Variants in GZMH observed in about 807,000 individuals in gnomAD.
GZMH encodes the protein cathepsin G-like 2, protein h-CCPX.
In GZMH, 24 loss-of-function variants were observed where a neutral mutation model predicts 20.7. That is an observed-to-expected ratio of 1.16 (90% CI 0.84 to 1.63). GZMH has a LOEUF of 1.63. Ranked by LOEUF, GZMH falls within the 40% of genes most tolerant of loss-of-function variation. The pLI is 0.00. For synonymous variants in GZMH, 119 were observed against 116.1 expected, an observed-to-expected ratio of 1.02 and a Z score of -0.16; for missense variants, 344 against 302.7, an observed-to-expected ratio of 1.14 and a Z score of -1.01.
chr14:24,608,064 C>G (rs2066884571), intron 2 of GZMH, among the ~76,000 whole-genome samples: 1 of 152,078 alleles, frequency 6.6e-6, no homozygotes, highest in Non-Finnish European at 1.5e-5. Context: ...TTGCTCTGAC[C>G]TCTGACCCTC....
rs66505306 is a variant in GZMH, at chr14:24,609,404, G to A, written c.55+155C>T. Among the ~76,000 whole-genome samples, 374 of 152,198 alleles carry A rather than the reference G, an allele frequency of 2.5e-3. 1 individual carries two copies. Among genetic ancestry groups the A allele is most frequent in the African/African-American group, 8.5e-3 (351 of 41,522 alleles). On this transcript the variant is annotated intron_variant, in intron 1 of 4. Coordinates refer to ENST00000216338, the MANE Select transcript of GZMH (RefSeq NM_033423.5). ...TTTTAGGGAACACCCTTCATTTTTC[G>A]ATCTTTGCTGAGTGTCTATCTAGCC...
chr14:24,607,851 G>A (rs1185732811), intron 2 of GZMH, 104 bp from the exon 3 acceptor site: 4 of 1,560,266 alleles, frequency 2.6e-6, no homozygotes, highest in East Asian at 2.3e-5. Context: ...CTGCAGCTGA[G>A]GGGAAGTTGA....
intron 4 of GZMH, 135 bp downstream of exon 4, chr14:24,607,014 G>T: frequency 1.1e-6 from 1 of 937,346 alleles, no homozygotes; most frequent in Non-Finnish European, 1.6e-6. Context: ...GTGGACTAAA[G>T]ACTAGATTCC....
chr14:24,608,537 T>C (rs1409894391), intron 1 of GZMH, 125 bp from the exon 2 acceptor site: 1 of 1,025,444 alleles, frequency 9.8e-7, no homozygotes, highest in East Asian at 2.4e-5. Flanking sequence ...GGGGTCCTCC[T>C]GAGCTCTGCA....
chr14:24,608,118 A>T, intron 2 of GZMH, 147 bp downstream of exon 2: 2 of 829,328 alleles, frequency 2.4e-6, no homozygotes, highest in Non-Finnish European at 3.9e-6. Context: ...TCATCATCTT[A>T]GTCCTATTCC....
chr14:24,608,755 C>T (rs2066891014), intron 1 of GZMH, among the ~76,000 whole-genome samples: 1 of 152,220 alleles, frequency 6.6e-6, no homozygotes, highest in African/African-American at 2.4e-5. Flanking sequence ...TCTCTGATTC[C>T]TCTGAGCCTC....
rs779993240 is a variant in GZMH, at chr14:24,608,408, C to A, written c.60G>T (p.Glu20Asp). Residue 20 changes from glutamate to aspartate, a missense_variant, in exon 2 of 5, where the codon GAG (glutamate) becomes GAT (aspartate). By Grantham distance (45) the Glu-to-Asp change is conservative. Transcript: ENST00000216338. The stretch of plus-strand genomic sequence containing the variant: ...GCTTGGCCTCATGGCCCCCGATGAT[C>A]TCCTCTGAAAGGAAAGACTGGAAGA... The part of the protein sequence containing the change: ...FLLTPGAGTE[E>D]IIGGHEAKPH... The A allele has an allele frequency of 1.2e-6, 2 of 1,613,936 alleles. No individual in the cohort carries two copies. Among genetic ancestry groups the A allele is most frequent in the East Asian group, 2.2e-5 (1 of 44,886 alleles).
Position 24,607,629 on chromosome 14 carries a change from C to T in GZMH, c.322G>A (p.Asp108Asn), listed in dbSNP as rs756399689. ...PAYNPKNFSN[D>N]IMLLQLERKA... ...TGCCTCACCTGCAGTAGCATGATGT[C>T]GTTGGAGAAGTTCTTAGGATTATAG... is the stretch of plus-strand genomic sequence containing the variant. The change falls in exon 3 of 5, where the codon GAC (aspartate) becomes AAC (asparagine). Residue 108 changes from aspartate (D) to asparagine (N), a missense_variant. Asp to Asn is a conservative substitution (Grantham distance 23). Transcript: ENST00000216338. The T allele has an allele frequency of 2.5e-5, 41 of 1,612,504 alleles. No individual in the cohort carries two copies. Among genetic ancestry groups the T allele is most frequent in the African/African-American group, 5.3e-5 (4 of 74,882 alleles).
At chr14:24,609,337 C>T (rs533249164) in intron 1 of GZMH, among the ~76,000 whole-genome samples, 18 of 152,304 alleles carry the variant, frequency 1.2e-4, no homozygotes, top group Admixed American at 2.0e-4. Context: ...CACTCCAGGT[C>T]ATAAAGGAGA....
At chr14:24,608,513 C>A in intron 1 of GZMH, 101 bp from the exon 2 acceptor site, 1 of 1,339,214 alleles carries the variant, frequency 7.5e-7, no homozygotes, top group Non-Finnish European at 1.1e-6. Context: ...TTGTGTGCTG[C>A]AGACAGTGAG....
rs373181528 is a variant in GZMH at position 24,608,350 on chromosome 14, A to G, written c.118T>C (p.Phe40Leu). The change falls in exon 2 of 5, where the codon TTT becomes CTT. Residue 40 changes from phenylalanine to leucine, a missense_variant. Coordinates refer to ENST00000216338, the MANE Select transcript of GZMH (RefSeq NM_033423.5). ...HSRPYMAFVQ[F>L]LQEKSRKRCG... ...CTCTTCCGACTCTTCTCTTGCAGAA[A>G]CTGAACAAAGGCCATGTAGGGGCGG... 6.2e-7 allele frequency: 1 copy of G among 1,614,072 alleles called. No individual in the cohort carries two copies. Among genetic ancestry groups the G allele is most frequent in the African/African-American group, 1.3e-5 (1 of 74,920 alleles).
In GZMH at chr14:24,608,406, A is replaced by G; in HGVS notation, c.62T>C (p.Ile21Thr). The G allele has an allele frequency of 6.2e-7, 1 of 1,613,970 alleles. No homozygotes were observed. The highest frequency in any genetic ancestry group is 8.5e-7 in the Non-Finnish European group (1 of 1,179,908). Residue 21 changes from isoleucine to threonine, a missense_variant, in exon 2 of 5, where the codon ATC (isoleucine) becomes ACC (threonine). Transcript: ENST00000216338. The part of the protein sequence containing the change: ...LLTPGAGTEE[I>T]IGGHEAKPHS... ...GGGCTTGGCCTCATGGCCCCCGATG[A>G]TCTCCTCTGAAAGGAAAGACTGGAA...
rs771506267 is a variant in GZMH at position 24,607,657 on chromosome 14, T to A, written c.294A>T (p.Pro98=). The part of the protein sequence containing the change: ...FIPVKRPIPH[P]AYNPKNFSND... ...TGGAGAAGTTCTTAGGATTATAGGCTGGATGGGGGATGGGTCTTTTCACAG... is the reference window on the plus strand; with the variant it reads ...TGGAGAAGTTCTTAGGATTATAGGCAGGATGGGGGATGGGTCTTTTCACAG... Residue 98 remains proline, a synonymous_variant, in exon 3 of 5, where the codon CCA becomes CCT. Transcript: ENST00000216338. 17 of 1,613,184 alleles carry A rather than the reference T, an allele frequency of 1.1e-5. No homozygotes were observed. Among genetic ancestry groups the A allele is most frequent in the Admixed American group, 5.0e-5 (3 of 59,992 alleles).
At position 24,606,737 on chromosome 14, in the gene GZMH, C is replaced by A. The variant is rs764634951; in HGVS notation, c.607G>T (p.Gly203Trp). Residue 203 changes from glycine to tryptophan, a missense_variant, in exon 5 of 5, where the codon GGG becomes TGG. Physicochemically the swap from Gly to Trp is radical, Grantham distance 184. Coordinates refer to ENST00000216338, the MANE Select transcript of GZMH (RefSeq NM_033423.5). Reference sequence around the variant, plus strand: ...ACGTCCTTACACACGAGGGGCCCCCCGGAGTCCCCCTGTGAACAGAGAGAG... The same window carrying A: ...ACGTCCTTACACACGAGGGGCCCCCAGGAGTCCCCCTGTGAACAGAGAGAG... ...KTQTGFKGDS[G>W]GPLVCKDVAQ... 1 of 1,613,404 alleles carries A rather than the reference C, an allele frequency of 6.2e-7. No homozygotes were observed. Among genetic ancestry groups the A allele is most frequent in the Non-Finnish European group, 8.5e-7 (1 of 1,179,654 alleles).
intron 3 of GZMH, 22 bp from the exon 4 acceptor site, chr14:24,607,428 A>T: frequency 3.2e-6 from 5 of 1,580,468 alleles, no homozygotes; most frequent in Non-Finnish European, 4.3e-6. Context: ...GAAGCAAGAA[A>T]GTCCAGGTCA....
At chr14:24,609,427 G>C in intron 1 of GZMH, 132 bp downstream of exon 1, 1 of 579,798 alleles carries the variant, frequency 1.7e-6, no homozygotes, top group South Asian at 2.8e-5. Flanking sequence ...TGTCTATCTA[G>C]CCTCAGATTT....
chr14:24,607,771 TG>T lies in GZMH; in HGVS notation c.204-25del, dbSNP rs761884389. On this transcript the variant is annotated intron_variant, in intron 2 of 4. Transcript: ENST00000216338. ...AGCTGCACAGAGAGCAGAGTGAGGA[TG>T]GGGGTGGAGTCACAGGGGATAGAGC... The T allele has an allele frequency of 1.9e-6, 3 of 1,613,496 alleles. No homozygotes were observed. In the African/African-American group the frequency reaches 4.0e-5, roughly 22 times the overall value.
In GZMH at chr14:24,606,855, T is replaced by G. The variant is rs2066872893; in HGVS notation, c.598-109A>C. On this transcript the variant is annotated intron_variant, in intron 4 of 4. Coordinates refer to ENST00000216338, the MANE Select transcript of GZMH (RefSeq NM_033423.5). ...AGGCAGGCCTTGTCACTCACCTCCC[T>G]CAGTCCTGGGTCTCCAGCATGGCCC... The G allele has an allele frequency of 4.4e-5, 45 of 1,013,600 alleles. No homozygotes were observed. In the South Asian group the frequency reaches 5.4e-4, roughly 12 times the overall value. 62.8% of individuals were successfully genotyped at this position (1,013,600 alleles called of 1,614,324 possible). A position where few individuals can be genotyped will look rare whatever the true frequency, so the allele number is the denominator to read the frequency against.
chr14:24,608,158 G>C, intron 2 of GZMH, 107 bp downstream of exon 2: 1 of 1,221,172 alleles, frequency 8.2e-7, no homozygotes, highest in South Asian at 1.4e-5. Flanking sequence ...GCTTTCATGG[G>C]CTTGTGTTAC....
Sources: gnomAD v4.1 joint callset for allele counts (sites outside exome capture counted in the v4.1 genomes callset) on GRCh38, gnomAD v4.1.1 for gene constraint, MANE v1.5 for transcripts, NCBI Gene and HGNC (gene_info 2026-07-23, HGNC 2026-07-21) for gene names.